Variants in INTS7 observed in about 807,000 individuals in gnomAD.
INTS7 encodes the protein chromosome 1 open reading frame 73.
A neutral mutation model predicts 109.2 loss-of-function variants in INTS7; 46 were observed. The observed-to-expected ratio is 0.42, with a 90% CI of 0.33 to 0.54. The LOEUF is 0.54. INTS7 is among the 20% of genes least tolerant of loss of function. The pLI is 0.07. For missense variants in INTS7, 929 were observed against 1,132.4 expected (o/e 0.82, Z 2.58); for synonymous variants, 412 against 402.9 (o/e 1.02, Z -0.27).
intron 16 of INTS7, among the ~76,000 whole-genome samples, chr1:211,958,653 T>C (rs532499200): frequency 6.6e-6 from 1 of 152,312 alleles, no homozygotes; most frequent in South Asian, 2.1e-4. Context: ...TGCATATTAG[T>C]CTAAATGACA....
intron 4 of INTS7, among the ~76,000 whole-genome samples, chr1:212,013,938 T>TA (rs1191648009): frequency 6.6e-6 from 1 of 152,172 alleles, no homozygotes; most frequent in Admixed American, 6.5e-5. Flanking sequence ...ACCTCATAGT[T>TA]AAGAGACGTG....
rs1663502675 is a variant in INTS7, at chr1:211,959,225, T to C, written c.2184-6524A>G. Among the ~76,000 whole-genome samples the C allele has an allele frequency of 1.3e-5, 2 of 152,176 alleles. No individual in the cohort carries two copies. Among genetic ancestry groups the C allele is most frequent in the Non-Finnish European group, 2.9e-5 (2 of 68,022 alleles). On this transcript the variant is annotated intron_variant, in intron 16 of 19. Coordinates refer to ENST00000366994, the MANE Select transcript of INTS7 (RefSeq NM_015434.4). This position sits in a 1 kb window ranked among gnomAD's most constrained non-coding sequence, Gnocchi z 4.2. ...ATACGGCCAGGGGCAGCCATCCCTCTAGGCTTAACTTGCTGACTTGCTCCC... is the reference window on the plus strand; with the variant it reads ...ATACGGCCAGGGGCAGCCATCCCTCCAGGCTTAACTTGCTGACTTGCTCCC...
intron 4 of INTS7, among the ~76,000 whole-genome samples, 155 bp downstream of exon 4, chr1:212,016,731 T>C (rs968524568): frequency 1.3e-5 from 2 of 152,228 alleles, no homozygotes; most frequent in Non-Finnish European, 2.9e-5. Flanking sequence ...TTAAGTCTTG[T>C]TTCCCCAACA....
intron 12 of INTS7, 99 bp downstream of exon 12, chr1:211,976,483 C>A: frequency 9.0e-7 from 1 of 1,110,316 alleles, no homozygotes; most frequent in Admixed American, 2.3e-5. Flanking sequence ...GTACTTCCAT[C>A]TTTATTTTTA....
intron 7 of INTS7, among the ~76,000 whole-genome samples, chr1:212,003,312 A>T (rs1665763357): frequency 6.6e-6 from 1 of 151,792 alleles, no homozygotes. Context: ...AAGCAAAAAA[A>T]AAAAAAAAAA....
chr1:211,954,921 C>T (rs1663296194), intron 16 of INTS7, among the ~76,000 whole-genome samples: 1 of 152,024 alleles, frequency 6.6e-6, no homozygotes, highest in Admixed American at 6.5e-5. Flanking sequence ...TAGTTTTTTC[C>T]AATTCTGTGA....
chr1:212,015,975 G>A (rs999086039), intron 4 of INTS7, among the ~76,000 whole-genome samples: 13 of 150,114 alleles, frequency 8.7e-5, no homozygotes, highest in African/African-American at 3.2e-4. Context: ...TAAGCTATTG[G>A]GGTTTTTTAA....
chr1:211,954,120 TG>T (rs1663245590), intron 16 of INTS7, among the ~76,000 whole-genome samples: 1 of 152,252 alleles, frequency 6.6e-6, no homozygotes, highest in African/African-American at 2.4e-5. Context: ...TATCTCATTG[TG>T]GTTTTGACTT....
intron 16 of INTS7, among the ~76,000 whole-genome samples, chr1:211,965,729 G>A (rs2102406259): frequency 6.6e-6 from 1 of 152,326 alleles, no homozygotes; most frequent in South Asian, 2.1e-4. Flanking sequence ...TCACTTAGAA[G>A]TGGGAGATAA....
chr1:211,976,919 G>T (rs2993538), intron 11 of INTS7, among the ~76,000 whole-genome samples, 200 bp from the exon 12 acceptor site: 12,571 of 152,008 alleles, frequency 0.083, 730 homozygotes, highest in African/African-American at 0.17. Context: ...TAACAGCAAA[G>T]AAGTAGAAGC....
chr1:211,990,207 A>G (rs1665083929), intron 7 of INTS7, among the ~76,000 whole-genome samples: 1 of 152,192 alleles, frequency 6.6e-6, no homozygotes, highest in African/African-American at 2.4e-5. Flanking sequence ...TGTCAACAGT[A>G]ACCGTGAAAG....
chr1:211,964,627 G>A (rs1558028993), intron 16 of INTS7, among the ~76,000 whole-genome samples: 1 of 152,076 alleles, frequency 6.6e-6, no homozygotes, highest in Non-Finnish European at 1.5e-5. Flanking sequence ...AAGACACACA[G>A]ACCAATGGAA....
rs372829554 is a variant in INTS7 at position 211,997,294 on chromosome 1, T to C, written c.880-9291A>G. ...GTGCAGTGGCTCATGCCTGGAATCC[T>C]AGCACTTTGAGAGGCTGACGTGGGC... On this transcript the variant is annotated intron_variant, in intron 7 of 19. Coordinates refer to ENST00000366994, the MANE Select transcript of INTS7 (RefSeq NM_015434.4). 1.8e-4 allele frequency among the ~76,000 whole-genome samples: 27 copies of C among 151,612 alleles called. No individual in the cohort carries two copies. In the East Asian group the frequency reaches 4.9e-3, roughly 27 times the overall value.
At chr1:211,964,930 T>C (rs1375232382) in intron 16 of INTS7, among the ~76,000 whole-genome samples, 1 of 152,048 alleles carries the variant, frequency 6.6e-6, no homozygotes, top group African/African-American at 2.4e-5. Flanking sequence ...CAAAAGCAAT[T>C]GCAACAAAAG....
Position 211,976,689 on chromosome 1 carries a change from T to A in INTS7, c.1501A>T (p.Ser501Cys). The A allele has an allele frequency of 1.9e-6, 3 of 1,614,008 alleles. No individual in the cohort carries two copies. Among genetic ancestry groups the A allele is most frequent in the Non-Finnish European group, 2.5e-6 (3 of 1,179,924 alleles). ...CTTTCCACAGACAATGCCTTCTGAC[T>A]TGCAACAAAAATCACAGTAGCCAAA... ...VSLATVIFVA[S>C]QKALSVESKA... The change falls in exon 12 of 20, where the codon AGT becomes TGT. Residue 501 changes from serine (S) to cysteine (C), a missense_variant. Coordinates refer to ENST00000366994, the MANE Select transcript of INTS7 (RefSeq NM_015434.4).
At chr1:212,021,003 G>T in intron 2 of INTS7, 80 bp downstream of exon 2, 1 of 1,333,070 alleles carries the variant, frequency 7.5e-7, no homozygotes, top group Non-Finnish European at 1.0e-6. Context: ...GTACTAAAAG[G>T]CAAAAAGAAA....
intron 11 of INTS7, among the ~76,000 whole-genome samples, chr1:211,977,941 T>C (rs569850731): frequency 9.2e-5 from 14 of 152,170 alleles, no homozygotes; most frequent in Non-Finnish European, 1.6e-4. Context: ...ATAAGAAAGA[T>C]AAAAATTTCA....
chr1:211,967,966 C>G lies in INTS7; in HGVS notation c.2026G>C (p.Glu676Gln). The G allele has an allele frequency of 6.3e-7, 1 of 1,585,260 alleles. No individual in the cohort carries two copies. The highest frequency in any genetic ancestry group is 1.1e-5 in the South Asian group (1 of 88,874). Residue 676 changes from glutamate (E) to glutamine (Q), a missense_variant, in exon 15 of 20, where the codon GAA (glutamate) becomes CAA (glutamine). Glu to Gln is a conservative substitution (Grantham distance 29). Around this residue, in one of 2 missense-constraint regions of INTS7, gnomAD observed 787 missense variants for 901.1 expected, o/e 0.87. Transcript: ENST00000366994. ...CGAGAAGCAAGGCTTCGAAATTCTT[C>G]CATGGACTGTTTCATCTATAAAAAA... ...RISNQMKQSM[E>Q]EFRSLASRYG... is the part of the protein sequence containing the mutation.
chr1:211,968,770 T>C lies in INTS7; in HGVS notation c.1816-63A>G. On this transcript the variant is annotated intron_variant, in intron 13 of 19. Coordinates refer to ENST00000366994, the MANE Select transcript of INTS7 (RefSeq NM_015434.4). ...TAAACAGAACAGTGAGATGGGGCAG[T>C]ACCAAGTATTTATCAGTTTGTGGTC... 4.6e-6 allele frequency: 6 copies of C among 1,294,752 alleles called. No individual in the cohort carries two copies. The South Asian group carries it at 7.6e-5, about 16-fold the overall frequency. The allele number at this position is 1,294,752 out of a possible 1,614,324, so 80.2% of individuals were successfully genotyped here. A position where few individuals can be genotyped will look rare whatever the true frequency, so the allele number is the denominator to read the frequency against.
Sources: gnomAD v4.1 joint callset for allele counts (sites outside exome capture counted in the v4.1 genomes callset) on GRCh38, gnomAD v4.1.1 for gene constraint, gnomAD v4.1.1 regional missense constraint, Gnocchi (gnomAD v3.1) non-coding constraint, MANE v1.5 for transcripts, NCBI Gene and HGNC (gene_info 2026-07-23, HGNC 2026-07-21) for gene names.